PCED1B: variants seen among roughly 807,000 people sequenced by gnomAD.
The protein encoded by PCED1B is PC-esterase domain containing 1B, also known as PC-esterase domain-containing protein 1B.
For synonymous variants in PCED1B, 251 were observed against 246.1 expected (o/e 1.02, Z -0.19); for missense variants, 573 against 573.9 (o/e 1.00, Z 0.02).
intron 2 of PCED1B, among the ~76,000 whole-genome samples, chr12:47,149,684 C>T (rs925011389): frequency 6.6e-6 from 1 of 152,078 alleles, no homozygotes. Flanking sequence ...TTTCTCTGAT[C>T]ACAAAAATAA....
chr12:47,140,429 G>A (rs1940550513), intron 2 of PCED1B, among the ~76,000 whole-genome samples: 1 of 152,136 alleles, frequency 6.6e-6, no homozygotes, highest in African/African-American at 2.4e-5. Flanking sequence ...TATGCCCCTG[G>A]CATCTTGAGC....
intron 2 of PCED1B, among the ~76,000 whole-genome samples, chr12:47,175,033 A>G (rs1941877482): frequency 6.6e-6 from 1 of 152,250 alleles, no homozygotes; most frequent in Admixed American, 6.5e-5. Context: ...TATACCATAT[A>G]TATCTAGATA....
chr12:47,202,564 G>GAATTTGAC (rs1942793039), intron 2 of PCED1B, among the ~76,000 whole-genome samples: 1 of 117,904 alleles, frequency 8.5e-6, no homozygotes, highest in Non-Finnish European at 1.6e-5. Flanking sequence ...ATATTTGCCT[G>GAATTTGAC]AATTTGACTC....
In PCED1B at chr12:47,154,499, A is replaced by T. The variant is rs115303341; in HGVS notation, c.-526+50304A>T. Reference sequence around the variant, plus strand: ...AAAACCTCAAGCGTTTTTGCTTTTAAAAATCTTAGTTGGTATCATAGTCCT... The same window carrying T: ...AAAACCTCAAGCGTTTTTGCTTTTATAAATCTTAGTTGGTATCATAGTCCT... On this transcript the variant is annotated intron_variant, in intron 2 of 3. Coordinates refer to ENST00000546455, the MANE Select transcript of PCED1B (RefSeq NM_138371.3). Among the ~76,000 whole-genome samples, 996 of 152,224 alleles carry T rather than the reference A, an allele frequency of 6.5e-3. 6 individuals carry two copies. The highest frequency in any genetic ancestry group is 0.023 in the African/African-American group (947 of 41,544).
intron 3 of PCED1B, among the ~76,000 whole-genome samples, chr12:47,217,143 C>A (rs1366298817): frequency 2.6e-5 from 4 of 151,882 alleles, no homozygotes; most frequent in Non-Finnish European, 4.4e-5. Context: ...TGGCCCACAC[C>A]CGTAATCCAA....
intron 2 of PCED1B, among the ~76,000 whole-genome samples, chr12:47,136,491 A>G (rs1940377801): frequency 6.6e-6 from 1 of 152,214 alleles, no homozygotes; most frequent in Non-Finnish European, 1.5e-5. Context: ...GATGTACCCA[A>G]GGGAAATTTG....
In PCED1B at chr12:47,162,491, TG is replaced by T. The variant is rs796419589; in HGVS notation, c.-525-53730del. ...CTGTAAAGAAATACCAGAGGTTGGG[TG>T]ATTTATAAAGAAATGAGGTTTATTT... is the stretch of plus-strand genomic sequence containing the variant. On this transcript the variant is annotated intron_variant, in intron 2 of 3. Transcript: ENST00000546455. Among the ~76,000 whole-genome samples, 52 of 152,262 alleles carry T rather than the reference TG, an allele frequency of 3.4e-4. 1 individual carries two copies. Among genetic ancestry groups the T allele is most frequent in the African/African-American group, 1.1e-3 (45 of 41,552 alleles).
chr12:47,228,698 C>T (rs900071214), intron 3 of PCED1B, among the ~76,000 whole-genome samples: 1 of 151,834 alleles, frequency 6.6e-6, no homozygotes, highest in African/African-American at 2.4e-5. Context: ...GGTGAAACCC[C>T]GTCTCTACTA....
intron 2 of PCED1B, among the ~76,000 whole-genome samples, chr12:47,104,629 C>G (rs1269543388): frequency 6.6e-6 from 1 of 152,122 alleles, no homozygotes; most frequent in Non-Finnish European, 1.5e-5. Context: ...TTATGTTGTA[C>G]CCTGGAGGGA....
chr12:47,219,399 T>G (rs920577783), intron 3 of PCED1B, among the ~76,000 whole-genome samples: 1 of 152,192 alleles, frequency 6.6e-6, no homozygotes, highest in Non-Finnish European at 1.5e-5. Context: ...CCTAGATTCC[T>G]GTTACTGAGT....
intron 2 of PCED1B, among the ~76,000 whole-genome samples, chr12:47,110,156 A>G (rs567331392): frequency 3.3e-5 from 5 of 152,310 alleles, no homozygotes; most frequent in Admixed American, 6.5e-5. Context: ...TCTAAATGAA[A>G]CAATATGTGC....
intron 2 of PCED1B, among the ~76,000 whole-genome samples, chr12:47,105,708 A>G (rs1386369934): frequency 6.6e-6 from 1 of 152,110 alleles, no homozygotes; most frequent in Non-Finnish European, 1.5e-5. Flanking sequence ...ATTTTTTTGG[A>G]GAAAATATTT....
chr12:47,095,907 G>A (rs1359247636), intron 1 of PCED1B, among the ~76,000 whole-genome samples: 4 of 152,072 alleles, frequency 2.6e-5, no homozygotes, highest in Non-Finnish European at 5.9e-5. Context: ...ACAGATCTGA[G>A]AAGCTTGGTT....
intron 2 of PCED1B, among the ~76,000 whole-genome samples, chr12:47,158,358 G>A (rs551416535): frequency 2.6e-5 from 4 of 152,272 alleles, no homozygotes; most frequent in East Asian, 1.9e-4. Flanking sequence ...TAATGGGTGC[G>A]AGGTGGTCTC....
chr12:47,139,678 G>A (rs1940517507), intron 2 of PCED1B, among the ~76,000 whole-genome samples: 1 of 152,126 alleles, frequency 6.6e-6, no homozygotes, highest in African/African-American at 2.4e-5. Context: ...GTGCATGTGT[G>A]GCAAAGTCTT....
chr12:47,113,426 TTG>T (rs1379165445), intron 2 of PCED1B, among the ~76,000 whole-genome samples: 1 of 152,190 alleles, frequency 6.6e-6, no homozygotes, highest in Admixed American at 6.5e-5. Flanking sequence ...TACTCCAAAT[TTG>T]GCAACAAAGA....
intron 3 of PCED1B, among the ~76,000 whole-genome samples, chr12:47,218,506 C>T (rs986708443): frequency 2.0e-5 from 3 of 152,118 alleles, no homozygotes; most frequent in Non-Finnish European, 4.4e-5. Flanking sequence ...AAGGCAGAGA[C>T]AGTGTCTTGC....
intron 2 of PCED1B, among the ~76,000 whole-genome samples, chr12:47,116,421 G>A (rs1019354328): frequency 6.6e-6 from 1 of 151,988 alleles, no homozygotes; most frequent in Non-Finnish European, 1.5e-5. Flanking sequence ...AAGAGTGAAG[G>A]TCTGTTTTTT....
chr12:47,200,134 G>A (rs1392862217), intron 2 of PCED1B, among the ~76,000 whole-genome samples: 2 of 151,838 alleles, frequency 1.3e-5, no homozygotes, highest in Admixed American at 6.6e-5. Context: ...CTGGGAGGTT[G>A]TAGTGAACCA....
Sources: gnomAD v4.1 joint callset for allele counts (sites outside exome capture counted in the v4.1 genomes callset) on GRCh38, gnomAD v4.1.1 for gene constraint, MANE v1.5 for transcripts, NCBI Gene and HGNC (gene_info 2026-07-23, HGNC 2026-07-21) for gene names.